The following ATP7B variants were observed in gnomAD, a reference collection of about 807,000 sequenced individuals.
ATP7B encodes the protein ATPase copper transporting beta.
A neutral mutation model predicts 118.9 loss-of-function variants in ATP7B; 113 were observed. The observed-to-expected ratio is 0.95, with a 90% CI of 0.82 to 1.11. The LOEUF (loss-of-function observed/expected upper bound fraction) is 1.11, where lower values mean the gene tolerates loss of function less well. Among genes scored for constraint, ATP7B ranks in the 50% most tolerant of loss-of-function variants. The pLI, the probability that ATP7B is intolerant of heterozygous loss-of-function variation, is 0.00. For missense variants in ATP7B, 1,867 were observed against 1,871.4 expected, an observed-to-expected ratio of 1.00 and a Z score of 0.04; for synonymous variants, 777 against 727.4, an observed-to-expected ratio of 1.07 and a Z score of -1.10.
chr13:51,939,566 A>G (rs555794253), intron 16 of ATP7B, among the ~76,000 whole-genome samples: 2 of 152,376 alleles, frequency 1.3e-5, no homozygotes, highest in East Asian at 1.9e-4. Context: ...GACATAACAG[A>G]TATCACTTAA....
chr13:52,011,883 C>G (rs1169514105), upstream of ATP7B: 1 of 270,558 alleles, frequency 3.7e-6, no homozygotes, highest in Non-Finnish European at 7.2e-6. Flanking sequence ...CCAGGGCTCA[C>G]CCACCGCCTG....
At chr13:51,958,619 C>T in intron 7 of ATP7B, 75 bp from the exon 8 acceptor site, 3 of 1,316,026 alleles carry the variant, frequency 2.3e-6, no homozygotes, top group Non-Finnish European at 3.3e-6. Flanking sequence ...GCCAAGGGCC[C>T]TGGGGATGGC....
rs371689385 is a variant in ATP7B at position 52,003,885 on chromosome 13, G to A, written c.51+7402C>T. Among the ~76,000 whole-genome samples the A allele has an allele frequency of 7.9e-5, 12 of 152,304 alleles. No individual in the cohort carries two copies. The East Asian group carries it at 1.4e-3, about 17-fold the overall frequency. ...TAGTAAAATCTTCCCATTTTAAGAT[G>A]TTGAAAACTGGCCAAAGTTCTAGCC... On this transcript the variant is annotated intron_variant, in intron 1 of 20. Coordinates refer to ENST00000242839, the MANE Select transcript of ATP7B (RefSeq NM_000053.4).
At chr13:52,007,161 T>C (rs1593881362) in intron 1 of ATP7B, among the ~76,000 whole-genome samples, 1 of 152,088 alleles carries the variant, frequency 6.6e-6, no homozygotes, top group Non-Finnish European at 1.5e-5. Context: ...ATGTGGGAAA[T>C]AGTTTTTTAA....
chr13:51,935,607 G>A lies in ATP7B; in HGVS notation c.4110C>T (p.Ser1370=), dbSNP rs779979628. Residue 1370 remains serine, a synonymous_variant, in exon 20 of 21, where the codon TCC becomes TCT. Transcript: ENST00000242839. ...AASSVSVVLS[S]LQLKCYKKPD... The stretch of plus-strand genomic sequence containing the variant: ...AGGGGACTCACCACTTGAGCTGCAG[G>A]GATGAGAGCACCACAGACACAGAGG... The A allele has an allele frequency of 2.3e-5, 37 of 1,613,430 alleles. No individual in the cohort carries two copies. Among genetic ancestry groups the A allele is most frequent in the Middle Eastern group, 1.6e-4 (1 of 6,080 alleles).
intron 9 of ATP7B, among the ~76,000 whole-genome samples, chr13:51,955,380 G>A (rs1205373888): frequency 6.6e-6 from 1 of 152,208 alleles, no homozygotes; most frequent in Non-Finnish European, 1.5e-5. Context: ...CAGGAGGCAA[G>A]TAGGAATGAC....
chr13:51,942,279 T>C (rs1278010602), intron 15 of ATP7B, 107 bp downstream of exon 15: 17 of 1,556,368 alleles, frequency 1.1e-5, no homozygotes, highest in Admixed American at 3.4e-5. Flanking sequence ...GCCTTAGCCA[T>C]GAACCGTCTG....
intron 4 of ATP7B, among the ~76,000 whole-genome samples, chr13:51,967,371 A>T (rs936642642): frequency 3.9e-5 from 6 of 152,202 alleles, no homozygotes; most frequent in Non-Finnish European, 7.3e-5. Flanking sequence ...ACACTACAAT[A>T]AAAAAATTGT....
At position 51,954,287 on chromosome 13, in the gene ATP7B, G is replaced by C. The variant is rs569486416; in HGVS notation, c.2447+3229C>G. On this transcript the variant is annotated intron_variant, in intron 9 of 20. Transcript: ENST00000242839. ...CGCAGGGGATGGCAAGACAGGCTGG[G>C]CTCAACAGGCATGCAGGCGGATGCC... Among the ~76,000 whole-genome samples the C allele has an allele frequency of 2.3e-3, 347 of 152,370 alleles. 6 individuals are homozygous for C. Among genetic ancestry groups the C allele is most frequent in the South Asian group, 4.3e-3 (21 of 4,828 alleles).
At position 52,005,598 on chromosome 13, in the gene ATP7B, A is replaced by T. The variant is rs566608891; in HGVS notation, c.51+5689T>A. Among the ~76,000 whole-genome samples the T allele has an allele frequency of 4.6e-5, 7 of 152,344 alleles. No homozygotes were observed. The South Asian group carries it at 8.3e-4, about 18-fold the overall frequency. On this transcript the variant is annotated intron_variant, in intron 1 of 20. Transcript: ENST00000242839. ...ATGACCACTTAAGTAATCTCTAAGA[A>T]GATTCAGGTTCTGTCTACAGCTCTG...
At chr13:51,943,547 G>A (rs548643237) in intron 14 of ATP7B, among the ~76,000 whole-genome samples, 2 of 152,244 alleles carry the variant, frequency 1.3e-5, no homozygotes, top group Admixed American at 6.5e-5. Context: ...TGTGTGACGC[G>A]TTCTGCTGCC....
intron 9 of ATP7B, among the ~76,000 whole-genome samples, chr13:51,952,181 T>C (rs1234874181): frequency 6.6e-6 from 1 of 152,142 alleles, no homozygotes; most frequent in Non-Finnish European, 1.5e-5. Context: ...GAGACAGAGA[T>C]GCTGCGGGGG....
chr13:51,942,538 G>GTCTC lies in ATP7B; in HGVS notation c.3256_3259dup (p.Thr1087ArgfsTer32). 1 of 1,614,136 alleles carries GTCTC rather than the reference G, an allele frequency of 6.2e-7. No individual in the cohort carries two copies. Among genetic ancestry groups the GTCTC allele is most frequent in the South Asian group, 1.1e-5 (1 of 91,080 alleles). On this transcript the variant is annotated frameshift_variant, in exon 15 of 21. Transcript: ENST00000242839. LOFTEE classifies it high-confidence loss of function. Reference sequence around the variant, plus strand: ...CTGGAAGTCCGTGCAGTATCCCAAGGTCTCTGTTCCAAGTTCCTGGGAAGG... The same window carrying GTCTC: ...CTGGAAGTCCGTGCAGTATCCCAAGGTCTCTCTCTGTTCCAAGTTCCTGGGAAGG...
At chr13:51,960,671 G>A (rs968945373) in intron 6 of ATP7B, among the ~76,000 whole-genome samples, 1 of 152,144 alleles carries the variant, frequency 6.6e-6, no homozygotes, top group African/African-American at 2.4e-5. Context: ...GTTGCCTATA[G>A]CTTTCTTTTC....
At chr13:51,981,453 G>A (rs955352850) in intron 1 of ATP7B, among the ~76,000 whole-genome samples, 1 of 152,180 alleles carries the variant, frequency 6.6e-6, no homozygotes, top group African/African-American at 2.4e-5. Flanking sequence ...AGGCACACAA[G>A]ACACAAGTCA....
upstream of ATP7B, chr13:52,012,095 G>C (rs1326321644): frequency 1.9e-6 from 1 of 519,210 alleles, no homozygotes; most frequent in Non-Finnish European, 3.5e-6. Context: ...CCGGGAACGG[G>C]GGCGCAGGCG....
chr13:51,941,236 A>T lies in ATP7B; in HGVS notation c.3413-12T>A, dbSNP rs1377407580. ...CTGGGGGACTGCATCTATTCAAAAG[A>T]GGCTGTGGTTATTTCTAAATGGTCC... is the stretch of plus-strand genomic sequence containing the variant. On this transcript the variant is annotated splice_polypyrimidine_tract_variant and intron_variant, in intron 15 of 20. Coordinates refer to ENST00000242839, the MANE Select transcript of ATP7B (RefSeq NM_000053.4). 3.7e-6 allele frequency: 6 copies of T among 1,614,140 alleles called. No homozygotes were observed. The highest frequency in any genetic ancestry group is 5.1e-6 in the Non-Finnish European group (6 of 1,179,972).
At chr13:52,000,982 T>C (rs1303390008) in intron 1 of ATP7B, among the ~76,000 whole-genome samples, 1 of 152,212 alleles carries the variant, frequency 6.6e-6, no homozygotes, top group Non-Finnish European at 1.5e-5. Flanking sequence ...ATTGGACCAC[T>C]GCACTCTACC....
In ATP7B at chr13:51,970,738, T is replaced by C. The variant is rs532864884; in HGVS notation, c.1297A>G (p.Thr433Ala). The C allele has an allele frequency of 2.5e-5, 41 of 1,613,818 alleles. No homozygotes were observed. Among genetic ancestry groups the C allele is most frequent in the Admixed American group, 1.5e-4 (9 of 60,020 alleles). The change falls in exon 3 of 21, where the codon ACT becomes GCT. Residue 433 changes from threonine (T) to alanine (A), a missense_variant. By Grantham distance (58) the Thr-to-Ala change is moderately conservative. Coordinates refer to ENST00000242839, the MANE Select transcript of ATP7B (RefSeq NM_000053.4). Reference sequence around the variant, plus strand: ...GCACTGTGGTTTCCAAGAGGGTTAGTAGAACAGCTTTCTAGGATAAAATGT... The same window carrying C: ...GCACTGTGGTTTCCAAGAGGGTTAGCAGAACAGCTTTCTAGGATAAAATGT... ...EASVVSESCSTNPLGNHSAGN... is the reference protein window; with the variant it reads ...EASVVSESCSANPLGNHSAGN...
Sources: gnomAD v4.1 joint callset for allele counts (sites outside exome capture counted in the v4.1 genomes callset) on GRCh38, gnomAD v4.1.1 for gene constraint, MANE v1.5 for transcripts, NCBI Gene and HGNC (gene_info 2026-07-23, HGNC 2026-07-21) for gene names.